The following TMEM140 variants were observed in gnomAD, a reference collection of about 807,000 sequenced individuals.
TMEM140 encodes transmembrane protein 140.
For missense variants in TMEM140, 236 were observed against 228.5 expected, an observed-to-expected ratio of 1.03 and a Z score of -0.21; for synonymous variants, 107 against 106.8, an observed-to-expected ratio of 1.00 and a Z score of -0.01.
In TMEM140 at chr7:135,165,848, A is replaced by G. The variant is rs1253734742; in HGVS notation, c.*849A>G. On this transcript the variant is annotated 3_prime_UTR_variant, in exon 2 of 2. Transcript: ENST00000275767. ...TGGAAAACCTGTATGGCAGTGATTTATTCATATATTCCTGTCCAAAGCCAC... is the reference window on the plus strand; with the variant it reads ...TGGAAAACCTGTATGGCAGTGATTTGTTCATATATTCCTGTCCAAAGCCAC... The G allele has an allele frequency of 6.0e-6, 1 of 167,146 alleles. No homozygotes were observed. The highest frequency in any genetic ancestry group is 2.4e-5 in the African/African-American group (1 of 41,464). 10.4% of individuals were successfully genotyped at this position (167,146 alleles called of 1,614,324 possible).
chr7:135,152,754 C>T (rs989910378), intron 1 of TMEM140: 2 of 152,176 alleles, frequency 1.3e-5, no homozygotes, highest in African/African-American at 2.4e-5. Flanking sequence ...AAAAGAAAGG[C>T]CCTAGGAACC....
intron 1 of TMEM140, among the ~76,000 whole-genome samples, chr7:135,160,477 A>G (rs292498): frequency 6.6e-6 from 1 of 152,226 alleles, no homozygotes; most frequent in African/African-American, 2.4e-5. Flanking sequence ...GTTTCCAACC[A>G]AAGATCCATA....
chr7:135,159,307 C>CT (rs1351851178), intron 1 of TMEM140, among the ~76,000 whole-genome samples: 1 of 152,200 alleles, frequency 6.6e-6, no homozygotes, highest in African/African-American at 2.4e-5. Flanking sequence ...AAAATTTACT[C>CT]TTTCAATAAG....
chr7:135,151,478 G>A lies in TMEM140; in HGVS notation c.-25+3208G>A, dbSNP rs1184714736. 1.3e-5 allele frequency among the ~76,000 whole-genome samples: 2 copies of A among 152,136 alleles called. No individual in the cohort carries two copies. Among genetic ancestry groups the A allele is most frequent in the African/African-American group, 4.8e-5 (2 of 41,420 alleles). The stretch of plus-strand genomic sequence containing the variant: ...AACCTGCGCCCTTGTTCTATGCCCT[G>A]GCAAGCTCTGTTGCCCCGGCTTTAT... On this transcript the variant is annotated intron_variant, in intron 1 of 1. Coordinates refer to ENST00000275767, the MANE Select transcript of TMEM140 (RefSeq NM_018295.5). This position sits in a 1 kb window ranked among gnomAD's most constrained non-coding sequence, Gnocchi z 4.3.
chr7:135,165,365 G>C lies in TMEM140; in HGVS notation c.*366G>C. The C allele has an allele frequency of 4.9e-6, 1 of 202,302 alleles. No individual in the cohort carries two copies. Among genetic ancestry groups the C allele is most frequent in the Non-Finnish European group, 1.1e-5 (1 of 91,082 alleles). 12.5% of individuals were successfully genotyped at this position (202,302 alleles called of 1,614,324 possible). On this transcript the variant is annotated 3_prime_UTR_variant, in exon 2 of 2. Transcript: ENST00000275767. ...TGGGGCCAGACTTCCAGGCTGATTT[G>C]CCAAATGCCAAAATGAAACCTAGCA...
At chr7:135,163,600 G>A (rs1240382674) in intron 1 of TMEM140, among the ~76,000 whole-genome samples, 5 of 152,176 alleles carry the variant, frequency 3.3e-5, no homozygotes, top group African/African-American at 9.7e-5. Context: ...AGCCAAGATC[G>A]CACCACTGCA....
chr7:135,156,381 A>G (rs1455444872), intron 1 of TMEM140, among the ~76,000 whole-genome samples: 1 of 152,060 alleles, frequency 6.6e-6, no homozygotes, highest in African/African-American at 2.4e-5. Flanking sequence ...GACATCTCAA[A>G]GGCTTTATTC....
intron 1 of TMEM140, among the ~76,000 whole-genome samples, chr7:135,153,636 A>G (rs1829717945): frequency 6.6e-6 from 1 of 152,236 alleles, no homozygotes; most frequent in Non-Finnish European, 1.5e-5. Context: ...AACCTGGGGT[A>G]TCATATTTAT....
In TMEM140 at chr7:135,165,242, C is replaced by T. The variant is rs1830063903; in HGVS notation, c.*243C>T. On this transcript the variant is annotated 3_prime_UTR_variant, in exon 2 of 2. Transcript: ENST00000275767. ...CAAGGCTCCCAAAGACTCCCTAAAC[C>T]ATGCAGCTCATTGTCACACCAATTC... The T allele has an allele frequency of 6.5e-6, 3 of 459,878 alleles. No homozygotes were observed. Among genetic ancestry groups the T allele is most frequent in the African/African-American group, 2.0e-5 (1 of 51,058 alleles). The allele number at this position is 459,878 out of a possible 1,614,324, so 28.5% of individuals were successfully genotyped here.
In TMEM140 at chr7:135,148,280, G is replaced by A. The variant is rs1054343472; in HGVS notation, c.-25+10G>A. 5 of 359,292 alleles carry A rather than the reference G, an allele frequency of 1.4e-5. No homozygotes were observed. The highest frequency in any genetic ancestry group is 2.1e-5 in the South Asian group (1 of 46,882). 22.3% of individuals were successfully genotyped at this position (359,292 alleles called of 1,614,324 possible). Reference sequence around the variant, plus strand: ...TCTGCACCTCCTTTCTGTAAGTACCGATCCTGCAAGCATCACAGCTTACCC... The same window carrying A: ...TCTGCACCTCCTTTCTGTAAGTACCAATCCTGCAAGCATCACAGCTTACCC... On this transcript the variant is annotated intron_variant, in intron 1 of 1. Transcript: ENST00000275767.
chr7:135,154,606 C>A (rs1829742815), intron 1 of TMEM140, among the ~76,000 whole-genome samples: 3 of 152,008 alleles, frequency 2.0e-5, no homozygotes, highest in African/African-American at 7.2e-5. Context: ...CTTCATTGAC[C>A]CAGTAGTTGT....
chr7:135,160,065 A>G (rs1829889430), intron 1 of TMEM140, among the ~76,000 whole-genome samples: 1 of 152,244 alleles, frequency 6.6e-6, no homozygotes, highest in Non-Finnish European at 1.5e-5. Context: ...TTTAGGAACC[A>G]TTTCTAGTTC....
rs150529963 is a variant in TMEM140 at position 135,155,633 on chromosome 7, T to C, written c.-25+7363T>C. Among the ~76,000 whole-genome samples the C allele has an allele frequency of 1.4e-3, 209 of 152,296 alleles. 3 individuals are homozygous for C. Among genetic ancestry groups the C allele is most frequent in the African/African-American group, 4.9e-3 (203 of 41,556 alleles). On this transcript the variant is annotated intron_variant, in intron 1 of 1. Coordinates refer to ENST00000275767, the MANE Select transcript of TMEM140 (RefSeq NM_018295.5). ...AATTGATGCCAGGCAGGGGCATTAATTGATGGAAGGTGGTCAAGACCAACC... is the reference window on the plus strand; with the variant it reads ...AATTGATGCCAGGCAGGGGCATTAACTGATGGAAGGTGGTCAAGACCAACC...
chr7:135,148,342 T>C, intron 1 of TMEM140, 72 bp downstream of exon 1: 1 of 333,344 alleles, frequency 3.0e-6, no homozygotes, highest in South Asian at 2.5e-5. Context: ...TTTGTTTTCT[T>C]CTCAGATATT....
chr7:135,156,422 G>T (rs895859569), intron 1 of TMEM140, among the ~76,000 whole-genome samples: 3 of 151,568 alleles, frequency 2.0e-5, no homozygotes, highest in Non-Finnish European at 2.9e-5. Context: ...CCTCATTTTT[G>T]TCTGACTGGA....
chr7:135,155,921 G>A (rs1829780952), intron 1 of TMEM140, among the ~76,000 whole-genome samples: 1 of 152,186 alleles, frequency 6.6e-6, no homozygotes, highest in Non-Finnish European at 1.5e-5. Flanking sequence ...TGTAGTACCA[G>A]TCTAGTGGTG....
intron 1 of TMEM140, among the ~76,000 whole-genome samples, chr7:135,157,419 G>T (rs1829822650): frequency 6.6e-6 from 1 of 152,236 alleles, no homozygotes; most frequent in Non-Finnish European, 1.5e-5. Flanking sequence ...GCTGGGACTT[G>T]GATGCCAACT....
At chr7:135,156,906 T>A (rs188757829) in intron 1 of TMEM140, among the ~76,000 whole-genome samples, 3 of 152,300 alleles carry the variant, frequency 2.0e-5, no homozygotes, top group Admixed American at 6.5e-5. Context: ...ATTCTCGTGA[T>A]AGTGAATAAG....
At position 135,164,447 on chromosome 7, in the gene TMEM140, C is replaced by A. The variant is rs145457881; in HGVS notation, c.6C>A (p.Ala2=). The part of the protein sequence containing the change: M[A]GPRPRWRDQL... The stretch of plus-strand genomic sequence containing the variant: ...CCCGGCAGAGGGCAGTAGAGATGGC[C>A]GGCCCAAGGCCTCGGTGGCGCGACC... Residue 2 remains alanine, a synonymous_variant, in exon 2 of 2, where the codon GCC becomes GCA. Transcript: ENST00000275767. 6.3e-7 allele frequency: 1 copy of A among 1,597,020 alleles called. No homozygotes were observed. Among genetic ancestry groups the A allele is most frequent in the Non-Finnish European group, 8.6e-7 (1 of 1,165,584 alleles).
Sources: gnomAD v4.1 joint callset for allele counts (sites outside exome capture counted in the v4.1 genomes callset) on GRCh38, gnomAD v4.1.1 for gene constraint, Gnocchi (gnomAD v3.1) non-coding constraint, MANE v1.5 for transcripts, NCBI Gene and HGNC (gene_info 2026-07-23, HGNC 2026-07-21) for gene names.